The following IGSF11 variants were observed in gnomAD, a reference collection of about 807,000 sequenced individuals.
The protein encoded by IGSF11 is immunoglobulin superfamily member 11.
Under a neutral mutation model 41.0 loss-of-function variants are expected in IGSF11, and 22 were observed. That is an observed-to-expected ratio of 0.54 (90% CI 0.38 to 0.77). The LOEUF is 0.77. Among genes scored for constraint, IGSF11 ranks in the 30% least tolerant of loss-of-function variants. IGSF11 has a pLI of 0.00. For synonymous variants in IGSF11, 219 were observed against 201.3 expected (o/e 1.09, Z -0.74); for missense variants, 444 against 530.8 (o/e 0.84, Z 1.61).
intron 4 of IGSF11, among the ~76,000 whole-genome samples, chr3:118,907,520 G>C (rs965701527): frequency 6.6e-6 from 1 of 152,098 alleles, no homozygotes; most frequent in Non-Finnish European, 1.5e-5. Flanking sequence ...AGACTACAGG[G>C]GAGGAGAAAA....
At chr3:119,119,891 T>A (rs2077309633) in intron 1 of IGSF11, among the ~76,000 whole-genome samples, 1 of 152,136 alleles carries the variant, frequency 6.6e-6, no homozygotes, top group African/African-American at 2.4e-5. Flanking sequence ...AAAAGAAAAT[T>A]CTTGAATGAC....
At chr3:118,916,622 C>T (rs1941131160) in intron 4 of IGSF11, among the ~76,000 whole-genome samples, 3 of 150,980 alleles carry the variant, frequency 2.0e-5, no homozygotes, top group African/African-American at 7.4e-5. Flanking sequence ...CCTGAGTGAC[C>T]TACAAAGAGA....
At chr3:119,117,295 A>C (rs183161595) in intron 1 of IGSF11, among the ~76,000 whole-genome samples, 1 of 152,136 alleles carries the variant, frequency 6.6e-6, no homozygotes, top group Non-Finnish European at 1.5e-5. Flanking sequence ...AAACTAGGTA[A>C]TTTATACAGG....
chr3:118,954,154 G>C (rs1268082631), intron 1 of IGSF11, among the ~76,000 whole-genome samples: 1 of 152,058 alleles, frequency 6.6e-6, no homozygotes, highest in Non-Finnish European at 1.5e-5. Context: ...TTGTTAAATA[G>C]GGTGTCCTTT....
chr3:119,072,878 C>T (rs1206688446), intron 1 of IGSF11, among the ~76,000 whole-genome samples: 3 of 152,162 alleles, frequency 2.0e-5, no homozygotes, highest in Admixed American at 2.0e-4. Context: ...CTGGCCCCAC[C>T]CACATCCTGC....
At chr3:118,946,700 C>T (rs932188982) in intron 1 of IGSF11, among the ~76,000 whole-genome samples, 2 of 152,212 alleles carry the variant, frequency 1.3e-5, no homozygotes, top group African/African-American at 2.4e-5. Context: ...AGGGTCACCA[C>T]TAACAAGCAT....
intron 1 of IGSF11, among the ~76,000 whole-genome samples, chr3:119,000,692 C>T (rs1936734607): frequency 6.6e-6 from 1 of 152,106 alleles, no homozygotes; most frequent in Admixed American, 6.6e-5. Flanking sequence ...TCCTCTTAAT[C>T]AGGATGATAA....
intron 1 of IGSF11, among the ~76,000 whole-genome samples, chr3:118,938,504 T>A (rs1292813371): frequency 6.6e-6 from 1 of 152,188 alleles, no homozygotes; most frequent in Non-Finnish European, 1.5e-5. Context: ...GTAATGTGAT[T>A]ATAATTAGCC....
intron 4 of IGSF11, among the ~76,000 whole-genome samples, chr3:118,917,012 G>T (rs1176059883): frequency 6.6e-6 from 1 of 152,124 alleles, no homozygotes; most frequent in Non-Finnish European, 1.5e-5. Context: ...TGACTACTGG[G>T]TACATAAGGA....
intron 2 of IGSF11, 61 bp downstream of exon 2, chr3:118,930,051 C>G (rs1942713381): frequency 6.6e-7 from 1 of 1,520,640 alleles, no homozygotes; most frequent in Non-Finnish European, 8.9e-7. Flanking sequence ...TGATGCTTCC[C>G]TACCAACCTC....
intron 1 of IGSF11, among the ~76,000 whole-genome samples, chr3:119,004,391 T>C (rs1282305498): frequency 6.6e-6 from 1 of 151,742 alleles, no homozygotes; most frequent in African/African-American, 2.4e-5. Flanking sequence ...CTATCAATTT[T>C]GTTGATCCTT....
intron 1 of IGSF11, among the ~76,000 whole-genome samples, chr3:118,975,476 G>A (rs1343371622): frequency 6.6e-6 from 1 of 151,600 alleles, no homozygotes; most frequent in Non-Finnish European, 1.5e-5. Context: ...ATCAAATAAC[G>A]AATTTGTGAG....
chr3:119,079,087 G>A (rs1406337790), intron 1 of IGSF11, among the ~76,000 whole-genome samples: 2 of 152,152 alleles, frequency 1.3e-5, no homozygotes, highest in Non-Finnish European at 2.9e-5. Context: ...GCCGGGCATG[G>A]TAGCTCATGC....
intron 1 of IGSF11, among the ~76,000 whole-genome samples, chr3:119,095,255 C>G (rs1383774943): frequency 6.6e-6 from 1 of 152,086 alleles, no homozygotes; most frequent in African/African-American, 2.4e-5. Context: ...TAACCATAGA[C>G]TATAAAAAAT....
intron 1 of IGSF11, among the ~76,000 whole-genome samples, chr3:118,964,285 G>A (rs982373529): frequency 4.6e-5 from 7 of 152,264 alleles, no homozygotes; most frequent in Admixed American, 2.0e-4. Flanking sequence ...AGAAAGTTGG[G>A]TGGGTTAAAT....
chr3:119,051,367 T>TA (rs995292074), intron 1 of IGSF11, among the ~76,000 whole-genome samples: 19 of 150,966 alleles, frequency 1.3e-4, no homozygotes, highest in Non-Finnish European at 2.7e-4. Context: ...CAACAACAGT[T>TA]AAAAAAAATA....
intron 1 of IGSF11, among the ~76,000 whole-genome samples, chr3:119,089,647 C>T (rs1272636073): frequency 6.6e-6 from 1 of 152,140 alleles, no homozygotes; most frequent in Non-Finnish European, 1.5e-5. Context: ...TCTCTCTTTG[C>T]TAATGATATA....
chr3:119,068,343 A>G (rs1179371278), intron 1 of IGSF11, among the ~76,000 whole-genome samples: 1 of 152,216 alleles, frequency 6.6e-6, no homozygotes, highest in Non-Finnish European at 1.5e-5. Context: ...TGAGTACATT[A>G]TTGCCCCCAT....
rs780252286 is a variant in IGSF11, at chr3:119,034,532, G to T, written c.51C>A (p.His17Gln). ...PLAPLLLLSL[H>Q]GVAASLEVSE... Reference sequence around the variant, plus strand: ...GAAGAAAGGGCTGGAGCTACTCACCGTGCAGAGAGAGGAGCAGCAAAGGCG... The same window carrying T: ...GAAGAAAGGGCTGGAGCTACTCACCTTGCAGAGAGAGGAGCAGCAAAGGCG... The change falls in exon 1 of 7, where the codon CAC becomes CAA. Residue 17 changes from histidine (H) to glutamine (Q), a missense_variant and splice_region_variant. This residue lies in a region of IGSF11 where 28 missense variants were observed against 21.1 expected (regional missense o/e 1.33). Coordinates refer to ENST00000393775, the MANE Select transcript of IGSF11 (RefSeq NM_001015887.3). 1.3e-6 allele frequency: 2 copies of T among 1,585,330 alleles called. No individual in the cohort carries two copies. Among genetic ancestry groups the T allele is most frequent in the Non-Finnish European group, 1.7e-6 (2 of 1,166,684 alleles).
Sources: allele counts gnomAD v4.1 joint callset (sites outside exome capture counted in the v4.1 genomes callset), GRCh38; gene constraint gnomAD v4.1.1; regional missense constraint gnomAD v4.1.1; transcripts MANE v1.5; gene names NCBI Gene and HGNC (gene_info 2026-07-23, HGNC 2026-07-21).